FHOD3: variants seen among roughly 807,000 people sequenced by gnomAD.
The protein encoded by FHOD3 is FH1/FH2 domain-containing protein 3.
In FHOD3, 90 loss-of-function variants were observed where a neutral mutation model predicts 173.0. The observed-to-expected ratio is 0.52, with a 90% confidence interval of 0.44 to 0.62. The LOEUF (loss-of-function observed/expected upper bound fraction) is 0.62. Ranked by LOEUF, FHOD3 falls within the 20% of genes least tolerant of loss-of-function variation. The pLI is 0.00. For synonymous variants in FHOD3, 828 were observed against 823.0 expected, an observed-to-expected ratio of 1.01 and a Z score of -0.10; for missense variants, 1,945 against 2,034.7, an observed-to-expected ratio of 0.96 and a Z score of 0.85.
intron 14 of FHOD3, among the ~76,000 whole-genome samples, chr18:36,661,094 C>T (rs1401473148): frequency 2.0e-5 from 3 of 151,722 alleles, no homozygotes; most frequent in Non-Finnish European, 2.9e-5. Flanking sequence ...GGCTGTATTA[C>T]CACTTTACTT....
chr18:36,461,560 G>A (rs1198366228), intron 3 of FHOD3, among the ~76,000 whole-genome samples: 1 of 151,940 alleles, frequency 6.6e-6, no homozygotes, highest in African/African-American at 2.4e-5. Context: ...TCAATTAGAG[G>A]TATTTGAGGA....
intron 1 of FHOD3, among the ~76,000 whole-genome samples, chr18:36,344,845 CTA>C (rs1485311940): frequency 6.6e-6 from 1 of 152,110 alleles, no homozygotes; most frequent in Admixed American, 6.5e-5. Flanking sequence ...TAAAAGAAGA[CTA>C]TCCATGCAAC....
chr18:36,779,399 CTTCCTT>C, intron 28 of FHOD3, 43 bp from the exon 29 acceptor site: 1 of 1,576,296 alleles, frequency 6.3e-7, no homozygotes, highest in Non-Finnish European at 8.7e-7. Context: ...GCTGCTCATA[CTTCCTT>C]TTCTTCTCAT....
chr18:36,549,268 G>C (rs1278437290), intron 5 of FHOD3, among the ~76,000 whole-genome samples: 1 of 151,832 alleles, frequency 6.6e-6, no homozygotes, highest in Non-Finnish European at 1.5e-5. Context: ...ATTTTTAATT[G>C]GGCTTTCTGT....
chr18:36,554,043 T>A (rs932795183), intron 5 of FHOD3, among the ~76,000 whole-genome samples: 2 of 152,208 alleles, frequency 1.3e-5, no homozygotes, highest in African/African-American at 4.8e-5. Flanking sequence ...TTGGTGGGAC[T>A]GTAAACTAGT....
At chr18:36,538,251 A>C (rs989210667) in intron 5 of FHOD3, among the ~76,000 whole-genome samples, 2 of 152,230 alleles carry the variant, frequency 1.3e-5, no homozygotes, top group Non-Finnish European at 2.9e-5. Flanking sequence ...CAAATGAAGA[A>C]GCTCCCACCA....
At chr18:36,338,887 G>A (rs148029542) in intron 1 of FHOD3, among the ~76,000 whole-genome samples, 1 of 152,232 alleles carries the variant, frequency 6.6e-6, no homozygotes, top group African/African-American at 2.4e-5. Context: ...AGCCTGAAGG[G>A]TGCCGTGTGG....
At chr18:36,375,809 A>G (rs1303138733) in intron 3 of FHOD3, among the ~76,000 whole-genome samples, 1 of 152,096 alleles carries the variant, frequency 6.6e-6, no homozygotes, top group Non-Finnish European at 1.5e-5. Flanking sequence ...TTGGAATGAG[A>G]TTTTGGTATA....
chr18:36,577,218 C>T (rs1163267643), intron 6 of FHOD3, among the ~76,000 whole-genome samples: 1 of 152,094 alleles, frequency 6.6e-6, no homozygotes, highest in East Asian at 1.9e-4. Flanking sequence ...GATAAAGAAT[C>T]CGAGATTACC....
chr18:36,522,096 C>T (rs557936078), intron 5 of FHOD3, among the ~76,000 whole-genome samples: 15 of 152,302 alleles, frequency 9.8e-5, no homozygotes, highest in South Asian at 6.2e-4. Context: ...TGTGAACATA[C>T]ACTATGGACC....
In FHOD3 at chr18:36,530,362, G is replaced by A. The variant is rs563369941; in HGVS notation, c.511+17819G>A. On this transcript the variant is annotated intron_variant, in intron 5 of 28. Transcript: ENST00000590592. ...CAACATAGTCTGTCAGGCTATGTGT[G>A]TTACTTAATGGTGGTTTCTTTTCTC... 6.6e-5 allele frequency among the ~76,000 whole-genome samples: 10 copies of A among 152,254 alleles called. No homozygotes were observed. The East Asian group carries it at 1.7e-3, about 27-fold the overall frequency.
chr18:36,380,547 C>G (rs2047695490), intron 3 of FHOD3, among the ~76,000 whole-genome samples: 1 of 93,802 alleles, frequency 1.1e-5, no homozygotes, highest in Admixed American at 1.1e-4. Context: ...CTCTCTCTTT[C>G]TTTTGTTTTC....
At position 36,742,718 on chromosome 18, in the gene FHOD3, A is replaced by AT. The variant is rs751498720; in HGVS notation, c.3760-10dup. 8.2e-5 allele frequency: 127 copies of AT among 1,556,360 alleles called. No individual in the cohort carries two copies. The highest frequency in any genetic ancestry group is 1.9e-4 in the South Asian group (16 of 84,738). ...CAAATTGTACACTCTTTATTGTCTAATTTTTTTTTAACTGAAAGGAAGTAG... is the reference window on the plus strand; with the variant it reads ...CAAATTGTACACTCTTTATTGTCTAATTTTTTTTTTAACTGAAAGGAAGTAG... On this transcript the variant is annotated intron_variant, in intron 21 of 28. Coordinates refer to ENST00000590592, the MANE Select transcript of FHOD3 (RefSeq NM_001281740.3).
intron 8 of FHOD3, among the ~76,000 whole-genome samples, chr18:36,609,083 T>C (rs1460249923): frequency 6.6e-6 from 1 of 152,248 alleles, no homozygotes; most frequent in Non-Finnish European, 1.5e-5. Flanking sequence ...CTGAGAGAGA[T>C]TTGTAAAGAT....
rs180714972 is a variant in FHOD3 at position 36,702,747 on chromosome 18, C to T, written c.2237-6348C>T. On this transcript the variant is annotated intron_variant, in intron 17 of 28. Transcript: ENST00000590592. Reference sequence around the variant, plus strand: ...CATAACCAGAAATTCTAATTGGACACTCTGAACTCGGCTGTCAGGGACGTG... The same window carrying T: ...CATAACCAGAAATTCTAATTGGACATTCTGAACTCGGCTGTCAGGGACGTG... Among the ~76,000 whole-genome samples, 3 of 152,376 alleles carry T rather than the reference C, an allele frequency of 2.0e-5. 1 individual carries two copies. Among genetic ancestry groups the T allele is most frequent in the Admixed American group, 2.0e-4 (3 of 15,304 alleles).
chr18:36,654,720 T>C (rs1046137931), intron 13 of FHOD3, among the ~76,000 whole-genome samples: 2 of 152,200 alleles, frequency 1.3e-5, no homozygotes, highest in African/African-American at 2.4e-5. Context: ...CCTGGATAAA[T>C]AAAGCTCCGT....
At chr18:36,612,807 G>T (rs982409570) in intron 9 of FHOD3, among the ~76,000 whole-genome samples, 1 of 152,158 alleles carries the variant, frequency 6.6e-6, no homozygotes, top group African/African-American at 2.4e-5. Context: ...ATATGCACGT[G>T]TATTTTGTTC....
intron 5 of FHOD3, among the ~76,000 whole-genome samples, chr18:36,565,692 A>G (rs2147770951): frequency 6.6e-6 from 1 of 152,294 alleles, no homozygotes; most frequent in Middle Eastern, 3.4e-3. Flanking sequence ...CACATTCTCA[A>G]ATGGCAAAAT....
chr18:36,551,024 C>T (rs1320775813), intron 5 of FHOD3, among the ~76,000 whole-genome samples: 4 of 152,158 alleles, frequency 2.6e-5, no homozygotes, highest in African/African-American at 9.7e-5. Flanking sequence ...AGTGTTTCTC[C>T]ATTAAGTATG....
Sources: allele counts gnomAD v4.1 joint callset (sites outside exome capture counted in the v4.1 genomes callset), GRCh38; gene constraint gnomAD v4.1.1; transcripts MANE v1.5; gene names NCBI Gene and HGNC (gene_info 2026-07-23, HGNC 2026-07-21).